MIA2: variants seen among roughly 807,000 people sequenced by gnomAD.
MIA2 encodes MIA SH3 domain ER export factor 2.
MIA2 carries 127 observed loss-of-function variants against 167.8 expected under a neutral mutation model. The ratio of observed to expected loss-of-function variants is 0.76; its 90% CI spans 0.66 to 0.88. The LOEUF is 0.88. Ranked by LOEUF, MIA2 falls within the 40% of genes least tolerant of loss-of-function variation. MIA2 has a pLI of 0.00. For synonymous variants in MIA2, 552 were observed against 541.9 expected, an observed-to-expected ratio of 1.02 and a Z score of -0.26; for missense variants, 1,690 against 1,624.7, an observed-to-expected ratio of 1.04 and a Z score of -0.69.
chr14:39,265,635 T>G (rs1243808167), intron 6 of MIA2: 2 of 344,448 alleles, frequency 5.8e-6, no homozygotes, highest in South Asian at 6.4e-5. Flanking sequence ...CAAAGGGAGG[T>G]TTTTTTTTTG....
At chr14:39,251,596 T>G (rs1230394663) in intron 4 of MIA2, among the ~76,000 whole-genome samples, 1 of 152,148 alleles carries the variant, frequency 6.6e-6, no homozygotes, top group East Asian at 1.9e-4. Flanking sequence ...TTTTTTCTTA[T>G]AGCATAAAAC....
chr14:39,299,433 G>T (rs1555376602), intron 13 of MIA2, among the ~76,000 whole-genome samples: 1 of 147,586 alleles, frequency 6.8e-6, no homozygotes, highest in Admixed American at 7.1e-5. Context: ...TCAACTTCCT[G>T]AGTAGCTGGG....
At chr14:39,279,305 TTAA>T in intron 7 of MIA2, 29 bp from the exon 8 acceptor site, 1 of 1,578,714 alleles carries the variant, frequency 6.3e-7, no homozygotes, top group South Asian at 1.2e-5. Flanking sequence ...CGTATTTGTT[TTAA>T]TGTAATTTTT....
Position 39,246,963 on chromosome 14 carries a change from A to G in MIA2, c.389A>G (p.Asp130Gly), listed in dbSNP as rs753483210. 5 of 1,536,458 alleles carry G rather than the reference A, an allele frequency of 3.3e-6. No individual in the cohort carries two copies. The highest frequency in any genetic ancestry group is 4.4e-6 in the Non-Finnish European group (5 of 1,148,498). ...LGVSYTFDNE[D>G]SELNGDYGEN... Reference sequence around the variant, plus strand: ...GTAAGTTACACATTTGACAATGAAGATAGTGAATTAAACGGTGATTATGGT... The same window carrying G: ...GTAAGTTACACATTTGACAATGAAGGTAGTGAATTAAACGGTGATTATGGT... Residue 130 changes from aspartate to glycine, a missense_variant, in exon 4 of 29, where the codon GAT becomes GGT. Physicochemically the swap from Asp to Gly is moderately conservative, Grantham distance 94. Coordinates refer to ENST00000640607, the MANE Select transcript of MIA2 (RefSeq NM_001329214.4).
chr14:39,291,518 CA>C (rs1188455658), intron 10 of MIA2, among the ~76,000 whole-genome samples: 11 of 152,182 alleles, frequency 7.2e-5, no homozygotes, highest in African/African-American at 2.7e-4. Context: ...GCTTTATTTT[CA>C]TCCTGAGGAT....
At chr14:39,357,690 C>T (rs1270911624) in intron 23 of MIA2, among the ~76,000 whole-genome samples, 1 of 152,184 alleles carries the variant, frequency 6.6e-6, no homozygotes, top group Admixed American at 6.5e-5. Flanking sequence ...GTGGCTGTTA[C>T]AGGTTGTTCC....
At position 39,319,638 on chromosome 14, in the gene MIA2, C is replaced by CT. The variant is rs1230082366; in HGVS notation, c.3367+348dup. Among the ~76,000 whole-genome samples the CT allele has an allele frequency of 7.2e-5, 11 of 152,040 alleles. No homozygotes were observed. In the South Asian group the frequency reaches 2.1e-3, roughly 29 times the overall value. On this transcript the variant is annotated intron_variant, in intron 23 of 28. Coordinates refer to ENST00000640607, the MANE Select transcript of MIA2 (RefSeq NM_001329214.4). ...AATGAATAAGGAGTGCTTACATGGA[C>CT]TAGCATTGTGACTGTTTATATATTA...
At position 39,251,745 on chromosome 14, in the gene MIA2, A is replaced by T. The variant is rs140459300; in HGVS notation, c.1568-1003A>T. Among the ~76,000 whole-genome samples, 1,207 of 152,236 alleles carry T rather than the reference A, an allele frequency of 7.9e-3. 11 individuals carry two copies. The highest frequency in any genetic ancestry group is 0.011 in the Non-Finnish European group (733 of 67,988). ...ACTGGTATGTGTTTGCTCAATTGGG[A>T]CTTTCATCTTTTAAACAATGATAAA... On this transcript the variant is annotated intron_variant, in intron 4 of 28. Transcript: ENST00000640607.
chr14:39,314,814 G>GTGTGTGC lies in MIA2; in HGVS notation c.3180+21_3180+22insCTGTGTG. 8.9e-7 allele frequency: 1 copy of GTGTGTGC among 1,118,674 alleles called. No individual in the cohort carries two copies. Among genetic ancestry groups the GTGTGTGC allele is most frequent in the Non-Finnish European group, 1.2e-6 (1 of 801,326 alleles). 69.3% of individuals were successfully genotyped at this position (1,118,674 alleles called of 1,614,324 possible). ...ATCAAGGGCAGGTATATATATATGT[G>GTGTGTGC]TGTGTGTGTGTGTGTGTGTGTGTAT... On this transcript the variant is annotated intron_variant, in intron 20 of 28. Transcript: ENST00000640607.
chr14:39,310,375 G>C (rs947066221), intron 18 of MIA2, among the ~76,000 whole-genome samples: 2 of 152,154 alleles, frequency 1.3e-5, no homozygotes, highest in Non-Finnish European at 2.9e-5. Context: ...CAAGAATGCT[G>C]TGATATGTGT....
In MIA2 at chr14:39,285,672, C is replaced by T. The variant is rs1334741569; in HGVS notation, c.2131-5347C>T. 4.0e-5 allele frequency among the ~76,000 whole-genome samples: 6 copies of T among 151,672 alleles called. 1 individual carries two copies. The highest frequency in any genetic ancestry group is 1.2e-4 in the African/African-American group (5 of 41,302). On this transcript the variant is annotated intron_variant, in intron 9 of 28. Coordinates refer to ENST00000640607, the MANE Select transcript of MIA2 (RefSeq NM_001329214.4). ...TGGCCGGGCTGGGGCTGACCCCCCACCTCCCTCCCGGTCGGGGTGGCTGCC... is the reference window on the plus strand; with the variant it reads ...TGGCCGGGCTGGGGCTGACCCCCCATCTCCCTCCCGGTCGGGGTGGCTGCC...
chr14:39,325,953 G>A (rs1368114955), intron 24 of MIA2, among the ~76,000 whole-genome samples: 2 of 151,162 alleles, frequency 1.3e-5, no homozygotes, highest in African/African-American at 2.4e-5. Flanking sequence ...ATCTCAGGTG[G>A]TCCACCCTCC....
chr14:39,379,430 C>A (rs2075109009), intron 23 of MIA2, among the ~76,000 whole-genome samples: 1 of 152,148 alleles, frequency 6.6e-6, no homozygotes, highest in Admixed American at 6.5e-5. Flanking sequence ...CCTTAAATCA[C>A]CTTAAATTTA....
intron 3 of MIA2, among the ~76,000 whole-genome samples, chr14:39,246,482 C>A (rs569932445): frequency 4.5e-4 from 68 of 152,120 alleles, no homozygotes; most frequent in Non-Finnish European, 8.8e-4. Flanking sequence ...CTTTGGAAAG[C>A]TGAGGCAGGA....
intron 23 of MIA2, among the ~76,000 whole-genome samples, chr14:39,320,430 T>G (rs1398630049): frequency 6.6e-6 from 1 of 152,200 alleles, no homozygotes; most frequent in Admixed American, 6.5e-5. Flanking sequence ...GTGATCTTGC[T>G]TCAGAGTATT....
intron 23 of MIA2, among the ~76,000 whole-genome samples, chr14:39,385,020 A>C (rs1223729690): frequency 6.6e-6 from 1 of 152,206 alleles, no homozygotes; most frequent in Non-Finnish European, 1.5e-5. Context: ...AACATGCTTT[A>C]ATATTTCTAA....
chr14:39,302,230 G>T lies in MIA2; in HGVS notation c.2721G>T (p.Ser907=), dbSNP rs750149530. The T allele has an allele frequency of 2.5e-6, 4 of 1,613,592 alleles. No individual in the cohort carries two copies. The African/African-American group carries it at 5.3e-5, about 22-fold the overall frequency. Residue 907 remains serine (S), a synonymous_variant, in exon 15 of 29, where the codon TCG becomes TCT. Transcript: ENST00000640607. The stretch of plus-strand genomic sequence containing the variant: ...TGGAATTAGAAATGAACAGTGAATC[G>T]GAAAATGGTGCTTACTTAGGTATTA... ...DNLELEMNSE[S]ENGAYLDNPP...
intron 6 of MIA2, chr14:39,265,147 G>A (rs2055396513): frequency 2.7e-6 from 1 of 371,540 alleles, no homozygotes. Context: ...AGGTGCATAT[G>A]TATGTGTGTG....
chr14:39,345,802 G>C (rs2073110291), intron 25 of MIA2, 102 bp from the exon 26 acceptor site: 1 of 895,550 alleles, frequency 1.1e-6, no homozygotes, highest in Non-Finnish European at 1.7e-6. Context: ...ATGAGTTTAA[G>C]TGTTAGAATA....
Sources: gnomAD v4.1 joint callset for allele counts (sites outside exome capture counted in the v4.1 genomes callset) on GRCh38, gnomAD v4.1.1 for gene constraint, MANE v1.5 for transcripts, NCBI Gene and HGNC (gene_info 2026-07-23, HGNC 2026-07-21) for gene names.